Variants in EPHB1 observed in about 807,000 individuals in gnomAD.
The protein encoded by EPHB1 is EPH receptor B1.
In EPHB1, 30 loss-of-function variants were observed where a neutral mutation model predicts 94.4. The ratio of observed to expected loss-of-function variants is 0.32; its 90% confidence interval spans 0.24 to 0.43. EPHB1 has a LOEUF of 0.43. Ranked by LOEUF, EPHB1 falls within the 20% of genes least tolerant of loss-of-function variation. EPHB1 has a pLI of 1.00. For missense variants in EPHB1, 1,055 were observed against 1,308.3 expected, an observed-to-expected ratio of 0.81 and a Z score of 2.99; for synonymous variants, 522 against 489.1, an observed-to-expected ratio of 1.07 and a Z score of -0.89.
chr3:134,952,921 G>T (rs535402621), intron 3 of EPHB1, among the ~76,000 whole-genome samples: 1 of 152,288 alleles, frequency 6.6e-6, no homozygotes, highest in South Asian at 2.1e-4. Context: ...CTGAACGTGG[G>T]GGAATCCAGG....
chr3:134,924,274 T>A (rs979818982), intron 1 of EPHB1, among the ~76,000 whole-genome samples: 1 of 152,176 alleles, frequency 6.6e-6, no homozygotes, highest in African/African-American at 2.4e-5. Context: ...AACTTCTGAT[T>A]TTTGAAAGAC....
chr3:134,918,840 T>C (rs1447905617), intron 1 of EPHB1, among the ~76,000 whole-genome samples: 1 of 152,246 alleles, frequency 6.6e-6, no homozygotes, highest in African/African-American at 2.4e-5. Context: ...TCTGAAATTA[T>C]TTTCTTTGGA....
chr3:135,003,661 T>C (rs1935273177), intron 3 of EPHB1, among the ~76,000 whole-genome samples: 1 of 152,206 alleles, frequency 6.6e-6, no homozygotes, highest in Non-Finnish European at 1.5e-5. Context: ...GGTGCATACA[T>C]ATTTAGGATA....
At chr3:134,914,151 A>G (rs752244913) in intron 1 of EPHB1, among the ~76,000 whole-genome samples, 1 of 152,142 alleles carries the variant, frequency 6.6e-6, no homozygotes, top group African/African-American at 2.4e-5. Context: ...ACCAAGGTCC[A>G]CCCTTCAAAG....
At chr3:134,853,920 A>G (rs1323427083) in intron 1 of EPHB1, among the ~76,000 whole-genome samples, 1 of 152,138 alleles carries the variant, frequency 6.6e-6, no homozygotes, top group Non-Finnish European at 1.5e-5. Flanking sequence ...TCCATCATGG[A>G]GTCCTTCCTG....
intron 2 of EPHB1, among the ~76,000 whole-genome samples, chr3:134,932,550 C>T (rs970988624): frequency 2.6e-4 from 40 of 152,222 alleles, no homozygotes; most frequent in African/African-American, 9.6e-4. Flanking sequence ...TGGATCTGCA[C>T]TCCCTGCCTG....
At chr3:135,171,043 C>T (rs1156679799) in intron 9 of EPHB1, among the ~76,000 whole-genome samples, 1 of 152,132 alleles carries the variant, frequency 6.6e-6, no homozygotes, top group Non-Finnish European at 1.5e-5. Context: ...GGGCAGAGCA[C>T]AGAGATTACA....
rs143234038 is a variant in EPHB1 at position 134,927,526 on chromosome 3, C to T, written c.123+1646C>T. On this transcript the variant is annotated intron_variant, in intron 2 of 15. Transcript: ENST00000398015. Reference sequence around the variant, plus strand: ...AAAGCTGATGAGGCAGCAGTTCTTCCATATCACCTGGATATTAAGAATTTG... The same window carrying T: ...AAAGCTGATGAGGCAGCAGTTCTTCTATATCACCTGGATATTAAGAATTTG... Among the ~76,000 whole-genome samples the T allele has an allele frequency of 3.9e-4, 60 of 152,314 alleles. 1 individual carries two copies. Among genetic ancestry groups the T allele is most frequent in the Admixed American group, 3.5e-3 (54 of 15,300 alleles).
At chr3:134,958,694 C>T (rs73214124) in intron 3 of EPHB1, among the ~76,000 whole-genome samples, 2,938 of 152,248 alleles carry the variant, frequency 0.019, 50 homozygotes, top group South Asian at 0.033. Context: ...CTCGGGCCTC[C>T]TCTGCTCCCC....
chr3:135,081,799 C>T (rs531771131), intron 3 of EPHB1, among the ~76,000 whole-genome samples: 1 of 152,196 alleles, frequency 6.6e-6, no homozygotes, highest in East Asian at 1.9e-4. Flanking sequence ...CCCTTCAATA[C>T]CTAAATGGCA....
intron 3 of EPHB1, among the ~76,000 whole-genome samples, chr3:135,071,927 A>G (rs921362553): frequency 6.6e-5 from 10 of 152,186 alleles, no homozygotes; most frequent in African/African-American, 1.7e-4. Flanking sequence ...AAGTTAGGCC[A>G]TTCTTGATTC....
chr3:135,094,518 T>C (rs2107793048), intron 3 of EPHB1, among the ~76,000 whole-genome samples: 1 of 152,288 alleles, frequency 6.6e-6, no homozygotes, highest in South Asian at 2.1e-4. Flanking sequence ...TGTCCTTCCC[T>C]TGCCATTCTA....
At chr3:134,902,000 G>A (rs779171428) in intron 1 of EPHB1, among the ~76,000 whole-genome samples, 1 of 152,188 alleles carries the variant, frequency 6.6e-6, no homozygotes, top group Non-Finnish European at 1.5e-5. Flanking sequence ...GGAGGAGGAG[G>A]GAAAGGGAGC....
intron 6 of EPHB1, among the ~76,000 whole-genome samples, chr3:135,159,351 A>G (rs557879127): frequency 1.8e-4 from 28 of 152,372 alleles, no homozygotes; most frequent in Admixed American, 1.6e-3. Context: ...GGTCCTCACA[A>G]TCCAAATACC....
At chr3:134,811,279 C>A (rs2036175254) in intron 1 of EPHB1, among the ~76,000 whole-genome samples, 1 of 77,422 alleles carries the variant, frequency 1.3e-5, no homozygotes. Flanking sequence ...TTGCTCTGTC[C>A]CCAGGCTGGA....
chr3:135,032,503 C>A (rs911723748), intron 3 of EPHB1, among the ~76,000 whole-genome samples: 3 of 152,068 alleles, frequency 2.0e-5, no homozygotes, highest in Admixed American at 1.3e-4. Context: ...TCTGAATCCT[C>A]TGTTTGTAGG....
At chr3:135,035,472 A>G (rs1029547063) in intron 3 of EPHB1, among the ~76,000 whole-genome samples, 2 of 152,210 alleles carry the variant, frequency 1.3e-5, no homozygotes, top group Non-Finnish European at 2.9e-5. Context: ...GGTAAATGGA[A>G]TTGGGAAAAG....
chr3:134,911,180 A>C (rs76780614), intron 1 of EPHB1, among the ~76,000 whole-genome samples: 5,190 of 152,308 alleles, frequency 0.034, 301 homozygotes, highest in African/African-American at 0.12. Flanking sequence ...CAGTGGATGC[A>C]GTGGACAGGG....
chr3:134,959,765 A>G (rs1314766943), intron 3 of EPHB1, among the ~76,000 whole-genome samples: 1 of 152,086 alleles, frequency 6.6e-6, no homozygotes, highest in Non-Finnish European at 1.5e-5. Context: ...TGCTTACAGG[A>G]AAGGGCAGAG....
Sources: gnomAD v4.1 joint callset for allele counts (sites outside exome capture counted in the v4.1 genomes callset) on GRCh38, gnomAD v4.1.1 for gene constraint, MANE v1.5 for transcripts, NCBI Gene and HGNC (gene_info 2026-07-23, HGNC 2026-07-21) for gene names.